The following PALM2AKAP2 variants were observed in gnomAD, a reference collection of about 807,000 sequenced individuals.
PALM2AKAP2 encodes the protein PALM2-AKAP2 fusion protein.
A neutral mutation model predicts 71.5 loss-of-function variants in PALM2AKAP2; 37 were observed. That is an observed-to-expected ratio of 0.52 (90% CI 0.40 to 0.68). The LOEUF (loss-of-function observed/expected upper bound fraction) is 0.68, where lower values mean the gene tolerates loss of function less well. Ranked by LOEUF, PALM2AKAP2 falls within the 30% of genes least tolerant of loss-of-function variation. The pLI, the probability that PALM2AKAP2 is intolerant of heterozygous loss-of-function variation, is 0.00. For missense variants in PALM2AKAP2, 1,224 were observed against 1,191.8 expected (o/e 1.03, Z -0.40); for synonymous variants, 468 against 478.8 (o/e 0.98, Z 0.29).
rs1287662850 is a variant in PALM2AKAP2 at position 109,856,265 on chromosome 9, A to G, written c.46-11226A>G. Among the ~76,000 whole-genome samples, 11 of 152,248 alleles carry G rather than the reference A, an allele frequency of 7.2e-5. No individual in the cohort carries two copies. The East Asian group carries it at 1.9e-3, about 27-fold the overall frequency. On this transcript the variant is annotated intron_variant, in intron 1 of 9. Coordinates refer to the PALM2AKAP2 transcript ENST00000302798. ...GAAGATTCATTGCAGTCCCGTCTATAATTGCAAACAAAGCACTGAGAACCA... is the reference window on the plus strand; with the variant it reads ...GAAGATTCATTGCAGTCCCGTCTATGATTGCAAACAAAGCACTGAGAACCA...
At chr9:109,674,429 GA>G (rs1827620080) in intron 1 of PALM2AKAP2, among the ~76,000 whole-genome samples, 1 of 151,762 alleles carries the variant, frequency 6.6e-6, no homozygotes, top group African/African-American at 2.4e-5. Flanking sequence ...ATAATATATT[GA>G]GGAGACCTGG....
intron 7 of PALM2AKAP2, among the ~76,000 whole-genome samples, chr9:110,019,736 A>G (rs1001608251): frequency 3.3e-5 from 5 of 152,222 alleles, no homozygotes; most frequent in African/African-American, 1.2e-4. Flanking sequence ...ATAGGTGGGA[A>G]CTACTACACA....
chr9:110,052,301 C>A (rs919584514), intron 1 of PALM2AKAP2, among the ~76,000 whole-genome samples: 1 of 152,224 alleles, frequency 6.6e-6, no homozygotes, highest in Non-Finnish European at 1.5e-5. Flanking sequence ...CTCTCATTGG[C>A]ATGAGCCTCA....
intron 1 of PALM2AKAP2, among the ~76,000 whole-genome samples, chr9:109,721,412 A>C (rs1343452550): frequency 6.6e-6 from 1 of 152,206 alleles, no homozygotes; most frequent in Non-Finnish European, 1.5e-5. Flanking sequence ...TCTCATTTTA[A>C]TTCCTTGTCA....
intron 3 of PALM2AKAP2, among the ~76,000 whole-genome samples, chr9:109,882,073 T>C (rs1480434624): frequency 3.3e-5 from 5 of 151,874 alleles, no homozygotes; most frequent in African/African-American, 1.2e-4. Context: ...TTAGTAGAGA[T>C]GGGGTTTCAC....
rs41278409 is a variant in PALM2AKAP2 at position 109,925,101 on chromosome 9, G to T, written c.394+19G>T. On this transcript the variant is annotated intron_variant, in intron 5 of 9. Transcript: ENST00000302798. Reference sequence around the variant, plus strand: ...GATGGAGGTAAGTGCTCTCTGCCCCGACTGTAGATGAATGTTTTAATCCTG... The same window carrying T: ...GATGGAGGTAAGTGCTCTCTGCCCCTACTGTAGATGAATGTTTTAATCCTG... 205,103 of 1,613,670 alleles carry T rather than the reference G, an allele frequency of 0.13. 13,982 individuals carry two copies. Among genetic ancestry groups the T allele is most frequent in the East Asian group, 0.16 (7,287 of 44,856 alleles).
At chr9:110,097,619 C>T (rs1332117578) in intron 1 of PALM2AKAP2, among the ~76,000 whole-genome samples, 9 of 148,058 alleles carry the variant, frequency 6.1e-5, no homozygotes, top group East Asian at 5.8e-4. Context: ...CGGGAAGAGG[C>T]GCTCCTCACT....
In PALM2AKAP2 at chr9:109,691,833, GATATATATAT is replaced by G. The variant is rs1185965530; in HGVS notation, c.5+50993_5+51002del. Among the ~76,000 whole-genome samples, 37 of 36,042 alleles carry G rather than the reference GATATATATAT, an allele frequency of 1.0e-3. 1 individual carries two copies. The highest frequency in any genetic ancestry group is 7.6e-3 in the East Asian group (11 of 1,456). 23.6% of individuals were successfully genotyped at this position (36,042 alleles called of 152,430 possible). A position where few individuals can be genotyped will look rare whatever the true frequency, so the allele number is the denominator to read the frequency against. ...TATCAATTTTCCAATCCAGAAAGAC[GATATATATAT>G]ATATATATATATATATATATATATA... On this transcript the variant is annotated intron_variant, in intron 1 of 6. Transcript: ENST00000374531.
chr9:109,653,759 A>G (rs894151920), intron 1 of PALM2AKAP2, among the ~76,000 whole-genome samples: 3 of 152,184 alleles, frequency 2.0e-5, no homozygotes, highest in African/African-American at 7.2e-5. Flanking sequence ...CAGTGCAAAT[A>G]TAGAGCACAG....
chr9:109,664,639 A>C (rs557775384), intron 1 of PALM2AKAP2, among the ~76,000 whole-genome samples: 1 of 152,152 alleles, frequency 6.6e-6, no homozygotes, highest in Admixed American at 6.5e-5. Flanking sequence ...CTTCATTTCA[A>C]CCTTGGTGAA....
At chr9:109,984,622 C>T (rs1421851461) in intron 6 of PALM2AKAP2, among the ~76,000 whole-genome samples, 1 of 151,630 alleles carries the variant, frequency 6.6e-6, no homozygotes, top group African/African-American at 2.4e-5. Context: ...TTTGGGAGGC[C>T]AAGGCAGGAG....
chr9:110,040,970 A>C (rs1833503043), intron 7 of PALM2AKAP2, among the ~76,000 whole-genome samples: 1 of 152,184 alleles, frequency 6.6e-6, no homozygotes, highest in Non-Finnish European at 1.5e-5. Flanking sequence ...TGAACTCTGG[A>C]GTGTTTACTA....
chr9:109,960,943 C>A (rs1831841525), intron 6 of PALM2AKAP2, among the ~76,000 whole-genome samples: 1 of 152,180 alleles, frequency 6.6e-6, no homozygotes, highest in Admixed American at 6.5e-5. Context: ...CTGAGGGTGA[C>A]CAGCTGTGCA....
chr9:109,966,398 G>A (rs1263638709), intron 6 of PALM2AKAP2, among the ~76,000 whole-genome samples: 1 of 152,224 alleles, frequency 6.6e-6, no homozygotes, highest in Non-Finnish European at 1.5e-5. Context: ...CAACCCTGGA[G>A]CCAGGTACCC....
At chr9:109,718,089 A>G (rs1214721880) in intron 1 of PALM2AKAP2, among the ~76,000 whole-genome samples, 1 of 151,018 alleles carries the variant, frequency 6.6e-6, no homozygotes, top group Non-Finnish European at 1.5e-5. Flanking sequence ...TCTTTTTTTT[A>G]AATTTTGCTG....
chr9:110,162,242 T>C, intron 3 of PALM2AKAP2, 110 bp downstream of exon 10: 1 of 1,496,558 alleles, frequency 6.7e-7, no homozygotes, highest in Non-Finnish European at 9.3e-7. Context: ...GAAAAATGAC[T>C]TGTCTCCATA....
chr9:109,800,924 G>C (rs1026186709), intron 1 of PALM2AKAP2, among the ~76,000 whole-genome samples: 5 of 152,190 alleles, frequency 3.3e-5, no homozygotes, highest in Non-Finnish European at 7.4e-5. Flanking sequence ...CAGGCAACTG[G>C]CTTATGTGTC....
intron 1 of PALM2AKAP2, among the ~76,000 whole-genome samples, chr9:109,839,839 A>G (rs964122356): frequency 2.0e-5 from 3 of 152,198 alleles, no homozygotes; most frequent in African/African-American, 7.2e-5. Flanking sequence ...GGAGAGCTAC[A>G]AACCACTGCT....
At chr9:109,960,755 G>A (rs1831839031) in intron 6 of PALM2AKAP2, among the ~76,000 whole-genome samples, 2 of 152,180 alleles carry the variant, frequency 1.3e-5, no homozygotes, top group South Asian at 4.1e-4. Context: ...GAACAGATTG[G>A]TATGGTGTGC....
Sources: gnomAD v4.1 joint callset for allele counts (sites outside exome capture counted in the v4.1 genomes callset) on GRCh38, gnomAD v4.1.1 for gene constraint, MANE v1.5 for transcripts, NCBI Gene and HGNC (gene_info 2026-07-23, HGNC 2026-07-21) for gene names.